Variants in RB1CC1 observed in about 807,000 individuals in gnomAD.
RB1CC1 encodes the protein RB1 inducible coiled-coil 1.
In RB1CC1, 46 loss-of-function variants were observed where a neutral mutation model predicts 177.5. The observed-to-expected ratio is 0.26, with a 90% CI of 0.20 to 0.33. The LOEUF is 0.33. Among genes scored for constraint, RB1CC1 ranks in the 10% least tolerant of loss-of-function variants. RB1CC1 has a pLI of 1.00. For missense variants in RB1CC1, 1,703 were observed against 1,816.3 expected, an observed-to-expected ratio of 0.94 and a Z score of 1.13; for synonymous variants, 666 against 613.6, an observed-to-expected ratio of 1.09 and a Z score of -1.26.
chr8:52,707,951 C>T (rs1351011863), intron 1 of RB1CC1, among the ~76,000 whole-genome samples: 3 of 152,164 alleles, frequency 2.0e-5, no homozygotes, highest in African/African-American at 7.2e-5. Flanking sequence ...CTATAAATTG[C>T]AACGATACCT....
chr8:52,641,003 CCT>C (rs1849522269), intron 18 of RB1CC1, among the ~76,000 whole-genome samples: 2 of 152,096 alleles, frequency 1.3e-5, no homozygotes, highest in Admixed American at 6.5e-5. Flanking sequence ...TAACTGCGTT[CCT>C]CTGAGTGGGC....
At chr8:52,674,553 G>T (rs1352869816) in intron 6 of RB1CC1, among the ~76,000 whole-genome samples, 1 of 152,126 alleles carries the variant, frequency 6.6e-6, no homozygotes, top group African/African-American at 2.4e-5. Context: ...CAAATCATTT[G>T]AGGTCAGGAG....
chr8:52,705,925 A>G (rs1856504041), intron 1 of RB1CC1, among the ~76,000 whole-genome samples: 1 of 152,226 alleles, frequency 6.6e-6, no homozygotes, highest in Non-Finnish European at 1.5e-5. Context: ...TGATCAGTAC[A>G]AAAAGCAATT....
chr8:52,637,577 A>T (rs1301601769), intron 18 of RB1CC1, among the ~76,000 whole-genome samples: 2 of 152,162 alleles, frequency 1.3e-5, no homozygotes, highest in Non-Finnish European at 2.9e-5. Context: ...GTATTTTTTT[A>T]GAGGAGACCT....
chr8:52,681,062 G>A (rs554990478), intron 5 of RB1CC1, among the ~76,000 whole-genome samples: 2 of 149,922 alleles, frequency 1.3e-5, no homozygotes, highest in Admixed American at 1.3e-4. Flanking sequence ...TGCGATCTTG[G>A]CTCACTGCAA....
At position 52,657,069 on chromosome 8, in the gene RB1CC1, T is replaced by C. The variant is rs761115891; in HGVS notation, c.2760A>G (p.Lys920=). The change falls in exon 15 of 24, where the codon AAA becomes AAG. Residue 920 remains lysine, a synonymous_variant. Coordinates refer to ENST00000025008, the MANE Select transcript of RB1CC1 (RefSeq NM_014781.5). ...CATTCTGCAGGCAGATTACAGCTTC[T>C]TTTTCATGTTTAACCAAAGCAAATT... ...DNEFALVKHE[K]EAVICLQNEK... 3.1e-6 allele frequency: 5 copies of C among 1,612,044 alleles called. No homozygotes were observed. The highest frequency in any genetic ancestry group is 3.4e-6 in the Non-Finnish European group (4 of 1,179,578).
rs181110029 is a variant in RB1CC1 at position 52,627,077 on chromosome 8, G to A, written c.4636+955C>T. Among the ~76,000 whole-genome samples, 120 of 151,414 alleles carry A rather than the reference G, an allele frequency of 7.9e-4. 1 individual carries two copies. The highest frequency in any genetic ancestry group is 3.5e-3 in the Middle Eastern group (1 of 286). On this transcript the variant is annotated intron_variant, in intron 22 of 23. Transcript: ENST00000025008. ...CTTAAAGAAAAAAAAGGCCGGGTAC[G>A]GTGGCTTAAGCCTGTAATCCCAGCA...
chr8:52,626,588 A>G (rs1848411327), intron 22 of RB1CC1, among the ~76,000 whole-genome samples: 1 of 152,332 alleles, frequency 6.6e-6, no homozygotes, highest in East Asian at 1.9e-4. Flanking sequence ...AATCTTTGCG[A>G]CGTTTTCTAA....
At chr8:52,664,891 A>G (rs1225602138) in intron 8 of RB1CC1, among the ~76,000 whole-genome samples, 1 of 152,156 alleles carries the variant, frequency 6.6e-6, no homozygotes, top group Non-Finnish European at 1.5e-5. Context: ...CAAATATAAA[A>G]CCATCCAATG....
intron 1 of RB1CC1, among the ~76,000 whole-genome samples, chr8:52,705,994 G>A (rs1265192478): frequency 6.6e-6 from 1 of 152,060 alleles, no homozygotes; most frequent in African/African-American, 2.4e-5. Flanking sequence ...AATGCAGGAG[G>A]ACATATGTAT....
intron 11 of RB1CC1, 56 bp from the exon 12 acceptor site, chr8:52,660,713 T>A: frequency 1.4e-6 from 2 of 1,449,706 alleles, no homozygotes; most frequent in South Asian, 2.5e-5. Context: ...AGGCAAAAAA[T>A]TATCTCTGGT....
At position 52,642,931 on chromosome 8, in the gene RB1CC1, T is replaced by A. The variant is rs1590946860; in HGVS notation, c.3988-119A>T. 6.3e-6 allele frequency: 7 copies of A among 1,109,952 alleles called. No homozygotes were observed. The East Asian group carries it at 2.1e-4, about 33-fold the overall frequency. 68.8% of individuals were successfully genotyped at this position (1,109,952 alleles called of 1,614,324 possible). ...ATTTGTACATGGAGATGATGGGGTA[T>A]GATTCATGAAATGTTTTAAAAATGA... On this transcript the variant is annotated intron_variant, in intron 16 of 23. Transcript: ENST00000025008.
intron 8 of RB1CC1, 82 bp from the exon 9 acceptor site, chr8:52,661,801 T>A: frequency 1.8e-6 from 2 of 1,088,604 alleles, no homozygotes; most frequent in East Asian, 2.7e-5. Flanking sequence ...AAAATCTTTA[T>A]GTTAAACACA....
intron 16 of RB1CC1, among the ~76,000 whole-genome samples, chr8:52,644,977 T>C (rs1268640226): frequency 2.0e-5 from 3 of 152,206 alleles, no homozygotes; most frequent in Admixed American, 6.5e-5. Flanking sequence ...AGTTCTCCAA[T>C]CTTTCTCCAT....
intron 6 of RB1CC1, 23 bp downstream of exon 6, chr8:52,676,346 A>T: frequency 6.4e-7 from 1 of 1,568,984 alleles, no homozygotes; most frequent in Non-Finnish European, 8.7e-7. Context: ...AACAAATATT[A>T]TCCATTTTAA....
intron 1 of RB1CC1, among the ~76,000 whole-genome samples, chr8:52,699,897 G>C (rs1442298320): frequency 7.4e-6 from 1 of 135,692 alleles, no homozygotes; most frequent in Non-Finnish European, 1.5e-5. Flanking sequence ...AACAATCCCA[G>C]TGTTTCCACA....
At chr8:52,699,547 G>A (rs1273788612) in intron 1 of RB1CC1, among the ~76,000 whole-genome samples, 1 of 150,984 alleles carries the variant, frequency 6.6e-6, no homozygotes, top group African/African-American at 2.4e-5. Flanking sequence ...GGTGGCTCAC[G>A]CCTGTAATCC....
Position 52,657,822 on chromosome 8 carries a change from T to A in RB1CC1, c.2007A>T (p.Arg669Ser). 1 of 1,614,052 alleles carries A rather than the reference T, an allele frequency of 6.2e-7. No individual in the cohort carries two copies. Residue 669 changes from arginine to serine, a missense_variant, in exon 15 of 24, where the codon AGA (arginine) becomes AGT (serine). Arg to Ser is a moderately radical substitution (Grantham distance 110, BLOSUM62 -1). Coordinates refer to ENST00000025008, the MANE Select transcript of RB1CC1 (RefSeq NM_014781.5). ...TAGITTTTSPRTPPPLTVQDP... is the reference protein window; with the variant it reads ...TAGITTTTSPSTPPPLTVQDP... The stretch of plus-strand genomic sequence containing the variant: ...CCTGAACAGTCAGTGGTGGAGGAGT[T>A]CTCGGTGAGGTAGTAGTTGTAATTC...
chr8:52,688,580 A>G (rs1204126789), intron 1 of RB1CC1, among the ~76,000 whole-genome samples: 1 of 152,200 alleles, frequency 6.6e-6, no homozygotes, highest in African/African-American at 2.4e-5. Flanking sequence ...AAGGTAATAC[A>G]TGCATGGCTG....
Sources: gnomAD v4.1 joint callset for allele counts (sites outside exome capture counted in the v4.1 genomes callset) on GRCh38, gnomAD v4.1.1 for gene constraint, MANE v1.5 for transcripts, NCBI Gene and HGNC (gene_info 2026-07-23, HGNC 2026-07-21) for gene names.